ARHGEF2: variants seen among roughly 807,000 people sequenced by gnomAD.
ARHGEF2 encodes rho guanine nucleotide exchange factor 2.
ARHGEF2 carries 22 observed loss-of-function variants against 121.0 expected under a neutral mutation model. The ratio of observed to expected loss-of-function variants is 0.18; its 90% CI spans 0.13 to 0.26. The LOEUF (loss-of-function observed/expected upper bound fraction) is 0.26. Among genes scored for constraint, ARHGEF2 ranks in the 10% least tolerant of loss-of-function variants. ARHGEF2 has a pLI of 1.00. For missense variants in ARHGEF2, 907 were observed against 1,336.0 expected (o/e 0.68, Z 5.01); for synonymous variants, 487 against 530.0 (o/e 0.92, Z 1.11).
intron 14 of ARHGEF2, among the ~76,000 whole-genome samples, chr1:155,954,483 T>A (rs1676242128): frequency 6.7e-6 from 1 of 148,178 alleles, no homozygotes. Flanking sequence ...AGAGACGGGG[T>A]TTCACCGTGT....
At chr1:155,970,781 G>A (rs1680307939) in intron 1 of ARHGEF2, 3 of 985,774 alleles carry the variant, frequency 3.0e-6, no homozygotes, top group Non-Finnish European at 3.6e-6. Flanking sequence ...ACAGTGCAGG[G>A]ACAGAGGGCA....
Position 155,978,018 on chromosome 1 carries a change from G to T in ARHGEF2, c.63+347C>A. The T allele has an allele frequency of 6.0e-6, 6 of 991,876 alleles. No homozygotes were observed. Among genetic ancestry groups the T allele is most frequent in the Non-Finnish European group, 7.3e-6 (6 of 817,740 alleles). 61.4% of individuals were successfully genotyped at this position (991,876 alleles called of 1,614,324 possible). ...GAGAGGAGGTGCCGGAGCTTCCACC[G>T]CCCCCACCCGCGAGACACACACCTC... On this transcript the variant is annotated intron_variant, in intron 1 of 21. Transcript: ENST00000361247. This position sits in a 1 kb window ranked among gnomAD's most constrained non-coding sequence, Gnocchi z 4.1.
intron 2 of ARHGEF2, chr1:155,968,469 C>T (rs1373751000): frequency 6.6e-6 from 1 of 152,210 alleles, no homozygotes; most frequent in Non-Finnish European, 1.5e-5. Context: ...CAGGAGCCCT[C>T]TGTGTACTGG....
chr1:155,963,293 G>T, intron 7 of ARHGEF2, 110 bp from the exon 8 acceptor site: 2 of 986,756 alleles, frequency 2.0e-6, no homozygotes, highest in South Asian at 1.6e-5. Context: ...TCCATTCCAG[G>T]TTAATATTCT....
intron 1 of ARHGEF2, among the ~76,000 whole-genome samples, chr1:155,977,233 G>A (rs1215912575): frequency 6.6e-6 from 1 of 152,100 alleles, no homozygotes; most frequent in Admixed American, 6.5e-5. Flanking sequence ...TACAGTGCGG[G>A]GGCCCCAAAG....
chr1:155,967,285 G>T (rs1021893539), intron 2 of ARHGEF2, among the ~76,000 whole-genome samples: 2 of 152,154 alleles, frequency 1.3e-5, no homozygotes, highest in Non-Finnish European at 2.9e-5. Context: ...CAGCCAGAAT[G>T]GGGGCTAGGG....
chr1:155,975,231 A>G (rs996816684), intron 1 of ARHGEF2, among the ~76,000 whole-genome samples: 2 of 152,158 alleles, frequency 1.3e-5, no homozygotes, highest in African/African-American at 2.4e-5. Context: ...ATAGGAGGGC[A>G]GGCAGGCAGA....
At chr1:155,959,288 G>A (rs144521835) in intron 11 of ARHGEF2, among the ~76,000 whole-genome samples, 86 of 151,978 alleles carry the variant, frequency 5.7e-4, no homozygotes, top group African/African-American at 1.8e-3. Flanking sequence ...TCACTCTGTC[G>A]CCTAGGCTGG....
intron 15 of ARHGEF2, 64 bp from the exon 16 acceptor site, chr1:155,952,299 AC>A: frequency 6.3e-7 from 1 of 1,598,220 alleles, no homozygotes; most frequent in Non-Finnish European, 8.5e-7. Context: ...AATGCCATTC[AC>A]CCCCACATGT....
At chr1:155,959,813 T>A (rs570663999) in intron 11 of ARHGEF2, among the ~76,000 whole-genome samples, 68 of 152,322 alleles carry the variant, frequency 4.5e-4, no homozygotes, top group Non-Finnish European at 9.1e-4. Context: ...CCTCCCAAAG[T>A]GCTGAGATTA....
chr1:155,972,697 C>CT lies in ARHGEF2; in HGVS notation c.64-3398dup, dbSNP rs1312836575. 3.4e-5 allele frequency among the ~76,000 whole-genome samples: 5 copies of CT among 148,002 alleles called. No individual in the cohort carries two copies. In the East Asian group the frequency reaches 7.9e-4, roughly 23 times the overall value. On this transcript the variant is annotated intron_variant, in intron 1 of 21. Coordinates refer to ENST00000361247, the MANE Select transcript of ARHGEF2 (RefSeq NM_001162383.2). ...TCCTTTGCTCTCCAGCATCTAGATA[C>CT]TTTTTTTTTTCTTTTTTTTTTTGAG...
At chr1:155,952,591 T>G (rs1305818021) in intron 15 of ARHGEF2, 37 bp downstream of exon 15, 3 of 1,576,510 alleles carry the variant, frequency 1.9e-6, no homozygotes, top group Non-Finnish European at 2.6e-6. Context: ...TGACGGTGAG[T>G]GCTTGAGCCT....
Position 155,961,994 on chromosome 1 carries a change from A to G in ARHGEF2, c.1220-85T>C, listed in dbSNP as rs549547328. The G allele has an allele frequency of 9.4e-6, 15 of 1,603,076 alleles. No homozygotes were observed. In the East Asian group the frequency reaches 3.1e-4, roughly 33 times the overall value. ...CATCGTGTCTTGATTCCACCTTTAG[A>G]GGCTGCCCAGGGTTTCACACCCGAC... On this transcript the variant is annotated intron_variant, in intron 10 of 21. Coordinates refer to ENST00000361247, the MANE Select transcript of ARHGEF2 (RefSeq NM_001162383.2). This position sits in a 1 kb window ranked among gnomAD's most constrained non-coding sequence, Gnocchi z 4.7.
intron 1 of ARHGEF2, among the ~76,000 whole-genome samples, chr1:155,977,166 A>C (rs528796096): frequency 3.9e-5 from 6 of 152,186 alleles, no homozygotes; most frequent in Non-Finnish European, 8.8e-5. Flanking sequence ...CTCAGGTTGG[A>C]GAGAAGCCAG....
At chr1:155,967,365 AC>A (rs1679621986) in intron 2 of ARHGEF2, among the ~76,000 whole-genome samples, 1 of 152,042 alleles carries the variant, frequency 6.6e-6, no homozygotes, top group Non-Finnish European at 1.5e-5. Context: ...AATCCTAACC[AC>A]CCGTAGAGGG....
rs1270475669 is a variant in ARHGEF2 at position 155,961,266 on chromosome 1, G to A, written c.1468+395C>T. On this transcript the variant is annotated intron_variant, in intron 11 of 21. Transcript: ENST00000361247. This position sits in a 1 kb window ranked among gnomAD's most constrained non-coding sequence, Gnocchi z 4.7. ...CTGTTGTATGGGCTGCATAAAGGGAGGTTGATTCTTTTTTTTTTTTTTTTT... is the reference window on the plus strand; with the variant it reads ...CTGTTGTATGGGCTGCATAAAGGGAAGTTGATTCTTTTTTTTTTTTTTTTT... 2.0e-5 allele frequency among the ~76,000 whole-genome samples: 3 copies of A among 151,624 alleles called. No individual in the cohort carries two copies. Among genetic ancestry groups the A allele is most frequent in the Admixed American group, 6.6e-5 (1 of 15,230 alleles).
chr1:155,961,571 G>T lies in ARHGEF2; in HGVS notation c.1468+90C>A. ...TTACAGGCGTTGAGCCACTGCACCC[G>T]GCCAAGAGAGGTTGATTCTAAGACC... On this transcript the variant is annotated intron_variant, in intron 11 of 21. Transcript: ENST00000361247. The surrounding 1 kb of genome is among the most constrained non-coding windows in gnomAD (Gnocchi z 4.7). 1 of 1,534,402 alleles carries T rather than the reference G, an allele frequency of 6.5e-7. No individual in the cohort carries two copies. Among genetic ancestry groups the T allele is most frequent in the South Asian group, 1.2e-5 (1 of 81,362 alleles).
In ARHGEF2 at chr1:155,965,280, C is replaced by A; in HGVS notation, c.580+23G>T. 6.2e-7 allele frequency: 1 copy of A among 1,611,326 alleles called. No individual in the cohort carries two copies. Among genetic ancestry groups the A allele is most frequent in the Non-Finnish European group, 8.5e-7 (1 of 1,177,420 alleles). ...GCCCCTCTTCATGTTCCTCAGGGCT[C>A]CCCTGGGCCCAGGCCTGCTCACCTT... On this transcript the variant is annotated intron_variant, in intron 6 of 21. Transcript: ENST00000361247. This position sits in a 1 kb window ranked among gnomAD's most constrained non-coding sequence, Gnocchi z 6.0.
At chr1:155,971,980 G>T (rs1680561730) in intron 1 of ARHGEF2, among the ~76,000 whole-genome samples, 1 of 151,884 alleles carries the variant, frequency 6.6e-6, no homozygotes, top group East Asian at 1.9e-4. Context: ...CTGGACCAGG[G>T]TCACTCCAGA....
Sources: gnomAD v4.1 joint callset for allele counts (sites outside exome capture counted in the v4.1 genomes callset) on GRCh38, gnomAD v4.1.1 for gene constraint, Gnocchi (gnomAD v3.1) non-coding constraint, MANE v1.5 for transcripts, NCBI Gene and HGNC (gene_info 2026-07-23, HGNC 2026-07-21) for gene names.